GPM6A: variants seen among roughly 807,000 people sequenced by gnomAD.
GPM6A encodes glycoprotein M6A, also known as neuronal membrane glycoprotein M6-a.
Under a neutral mutation model 32.1 loss-of-function variants are expected in GPM6A, and 7 were observed. The ratio of observed to expected loss-of-function variants is 0.22; its 90% CI spans 0.12 to 0.41. The LOEUF is 0.41. GPM6A is among the 10% of genes least tolerant of loss of function. GPM6A has a pLI of 1.00. For missense variants in GPM6A, 235 were observed against 347.2 expected (o/e 0.68, Z 2.57); for synonymous variants, 130 against 123.4 (o/e 1.05, Z -0.35).
At chr4:175,787,236 T>C in intron 1 of GPM6A, 1 of 717,222 alleles carries the variant, frequency 1.4e-6, no homozygotes, top group East Asian at 2.7e-5. Context: ...AAAGCTTTAA[T>C]AATGTATTTA....
chr4:175,951,008 C>T (rs1412021448), intron 1 of GPM6A, among the ~76,000 whole-genome samples: 5 of 151,958 alleles, frequency 3.3e-5, no homozygotes, highest in Admixed American at 3.3e-4. Flanking sequence ...ATTTAGAAAG[C>T]CTTTTTGGTT....
chr4:175,893,197 G>C (rs1737698598), intron 1 of GPM6A, among the ~76,000 whole-genome samples: 1 of 152,100 alleles, frequency 6.6e-6, no homozygotes, highest in African/African-American at 2.4e-5. Context: ...GTACTTGTGG[G>C]CTGCTATCCA....
chr4:175,669,180 A>G (rs1040504381), intron 3 of GPM6A, among the ~76,000 whole-genome samples: 3 of 152,236 alleles, frequency 2.0e-5, no homozygotes, highest in Non-Finnish European at 4.4e-5. Context: ...TAAACTTAGT[A>G]CTAAAATTTG....
At chr4:175,703,551 T>C in intron 1 of GPM6A, among the ~76,000 whole-genome samples, 1 of 152,222 alleles carries the variant, frequency 6.6e-6, no homozygotes, top group East Asian at 1.9e-4. Flanking sequence ...TGGTCACTTT[T>C]GGTTTTTGAA....
At chr4:175,881,105 G>A (rs998909020) in intron 1 of GPM6A, among the ~76,000 whole-genome samples, 4 of 152,070 alleles carry the variant, frequency 2.6e-5, no homozygotes, top group Non-Finnish European at 5.9e-5. Flanking sequence ...CTGACAAAGA[G>A]CTAATATCCA....
chr4:175,780,116 C>T (rs767961626), intron 1 of GPM6A, among the ~76,000 whole-genome samples: 36 of 151,064 alleles, frequency 2.4e-4, no homozygotes, highest in Non-Finnish European at 3.7e-4. Flanking sequence ...GGCGTGATCT[C>T]GGCTCACTGC....
At chr4:175,669,152 A>G (rs1742913715) in intron 3 of GPM6A, among the ~76,000 whole-genome samples, 3 of 152,218 alleles carry the variant, frequency 2.0e-5, no homozygotes, top group Non-Finnish European at 4.4e-5. Context: ...CCTAACAAAT[A>G]TTTCCCATTA....
chr4:175,853,089 G>A (rs1025867643), intron 1 of GPM6A, among the ~76,000 whole-genome samples: 4 of 151,986 alleles, frequency 2.6e-5, no homozygotes, highest in Admixed American at 2.6e-4. Flanking sequence ...CAGGACTACA[G>A]AACACTATTG....
chr4:175,674,071 TTTC>T (rs1229671898), intron 2 of GPM6A, among the ~76,000 whole-genome samples: 1 of 152,218 alleles, frequency 6.6e-6, no homozygotes, highest in East Asian at 1.9e-4. Flanking sequence ...TGTTTGTCAG[TTTC>T]TTCTTCTTTT....
intron 1 of GPM6A, among the ~76,000 whole-genome samples, chr4:175,920,045 A>C (rs928059401): frequency 2.0e-5 from 3 of 152,260 alleles, no homozygotes. Flanking sequence ...TCATAAAAGG[A>C]AAGTAACCTC....
At chr4:175,796,027 ACAGGCCACC>A (rs1734214460) in intron 1 of GPM6A, 4 of 152,152 alleles carry the variant, frequency 2.6e-5, no homozygotes, top group African/African-American at 9.7e-5. Flanking sequence ...TCACTTTCTA[ACAGGCCACC>A]CTGTTTTTCT....
In GPM6A at chr4:175,702,353, T is replaced by A. The variant is rs149236828; in HGVS notation, c.38-586A>T. ...ATTAAGATTCTTCTCTTCTAGCTAT[T>A]TTGAAATATACAATAGACTATTTTT... On this transcript the variant is annotated intron_variant, in intron 1 of 6. Transcript: ENST00000393658. 7.9e-4 allele frequency among the ~76,000 whole-genome samples: 121 copies of A among 152,328 alleles called. 2 individuals are homozygous for A. The East Asian group carries it at 0.023, about 29-fold the overall frequency.
chr4:175,994,026 A>C (rs1240371556), intron 1 of GPM6A, among the ~76,000 whole-genome samples: 1 of 152,208 alleles, frequency 6.6e-6, no homozygotes, highest in Non-Finnish European at 1.5e-5. Context: ...TTTCCAAGAT[A>C]GAGAGAAAGG....
intron 6 of GPM6A, among the ~76,000 whole-genome samples, chr4:175,637,629 A>ATATAT (rs1740818194): frequency 3.7e-5 from 1 of 26,740 alleles, no homozygotes; most frequent in Non-Finnish European, 6.9e-5. Context: ...TATATATTAT[A>ATATAT]TATATATTAT....
At chr4:175,700,476 C>T (rs1309894274) in intron 2 of GPM6A, among the ~76,000 whole-genome samples, 2 of 152,006 alleles carry the variant, frequency 1.3e-5, no homozygotes, top group African/African-American at 4.8e-5. Context: ...ACAGGAATTG[C>T]CCTGCATAAA....
chr4:175,996,829 A>G (rs1040639043), intron 1 of GPM6A, among the ~76,000 whole-genome samples: 7 of 152,264 alleles, frequency 4.6e-5, no homozygotes, highest in South Asian at 2.1e-4. Context: ...GAATTAGATC[A>G]ATTAGTCGGC....
intron 1 of GPM6A, among the ~76,000 whole-genome samples, chr4:175,851,961 AAAG>A (rs1736272930): frequency 1.3e-5 from 2 of 152,204 alleles, no homozygotes; most frequent in African/African-American, 4.8e-5. Context: ...AGCAATATGG[AAAG>A]AAGATGTTAG....
intron 1 of GPM6A, among the ~76,000 whole-genome samples, chr4:175,724,692 CA>C (rs761883588): frequency 1.1e-4 from 16 of 152,054 alleles, no homozygotes; most frequent in Non-Finnish European, 1.3e-4. Context: ...ATATGCATGG[CA>C]ATAAAACTGA....
At chr4:175,695,364 T>C (rs1744519826) in intron 2 of GPM6A, among the ~76,000 whole-genome samples, 1 of 152,160 alleles carries the variant, frequency 6.6e-6, no homozygotes, top group Non-Finnish European at 1.5e-5. Flanking sequence ...CAGCAGCCCA[T>C]GAGAACAGCC....
Sources: gnomAD v4.1 joint callset for allele counts (sites outside exome capture counted in the v4.1 genomes callset) on GRCh38, gnomAD v4.1.1 for gene constraint, MANE v1.5 for transcripts, NCBI Gene and HGNC (gene_info 2026-07-23, HGNC 2026-07-21) for gene names.